USP24: variants seen among roughly 807,000 people sequenced by gnomAD.
USP24 encodes the protein ubiquitin specific peptidase 24.
USP24 carries 97 observed loss-of-function variants against 361.6 expected under a neutral mutation model. The ratio of observed to expected loss-of-function variants is 0.27; its 90% confidence interval spans 0.23 to 0.32. The LOEUF is 0.32. Ranked by LOEUF, USP24 falls within the 10% of genes least tolerant of loss-of-function variation. USP24 has a pLI of 1.00. For synonymous variants in USP24, 1,098 were observed against 1,124.6 expected, an observed-to-expected ratio of 0.98 and a Z score of 0.47; for missense variants, 2,353 against 3,165.6, an observed-to-expected ratio of 0.74 and a Z score of 6.16.
At chr1:55,200,191 T>C (rs1158390203) in intron 1 of USP24, among the ~76,000 whole-genome samples, 2 of 152,228 alleles carry the variant, frequency 1.3e-5, no homozygotes, top group East Asian at 3.8e-4. Flanking sequence ...CAAATCAAAT[T>C]ATACCCAGTT....
chr1:55,138,419 C>G (rs189526678), intron 26 of USP24, among the ~76,000 whole-genome samples, 189 bp downstream of exon 26: 44 of 152,230 alleles, frequency 2.9e-4, no homozygotes, highest in African/African-American at 1.1e-3. Context: ...ACTTAACCAC[C>G]GCTTGACATT....
At position 55,132,632 on chromosome 1, in the gene USP24, G is replaced by T. The variant is rs1646624625; in HGVS notation, c.3450C>A (p.His1150Gln). Residue 1150 changes from histidine to glutamine, a missense_variant, in exon 31 of 68, where the codon CAC becomes CAA. By Grantham distance (24) the His-to-Gln change is conservative (BLOSUM62 0). Transcript: ENST00000294383. The stretch of plus-strand genomic sequence containing the variant: ...CTAAAATTGAACTGGCACTTGGCTG[G>T]TGCTGTTGCTTTGATGACAGGGATG... ...KSPSLSSKQQ[H>Q]QPSASSILES... 1 of 1,613,656 alleles carries T rather than the reference G, an allele frequency of 6.2e-7. No homozygotes were observed.
chr1:55,138,492 A>G (rs1646799042), intron 26 of USP24, 116 bp downstream of exon 26: 1 of 677,638 alleles, frequency 1.5e-6, no homozygotes, highest in African/African-American at 1.8e-5. Context: ...TTTATTCTAC[A>G]TTTGTTTACC....
At chr1:55,148,386 CA>C in intron 17 of USP24, 76 bp downstream of exon 17, 1 of 1,075,914 alleles carries the variant, frequency 9.3e-7, no homozygotes, top group South Asian at 1.5e-5. Context: ...ACTATAAACT[CA>C]GCAATTTTAG....
chr1:55,157,177 A>G, intron 11 of USP24, 79 bp downstream of exon 11: 2 of 1,363,316 alleles, frequency 1.5e-6, no homozygotes, highest in Non-Finnish European at 2.0e-6. Context: ...TCAAAGCAAC[A>G]ATTTTGTATA....
In USP24 at chr1:55,215,017, C is replaced by A; in HGVS notation, c.97G>T (p.Asp33Tyr). The A allele has an allele frequency of 6.8e-7, 1 of 1,480,610 alleles. No individual in the cohort carries two copies. The highest frequency in any genetic ancestry group is 2.8e-5 in the East Asian group (1 of 35,400). The allele number at this position is 1,480,610 out of a possible 1,614,324, so 91.7% of individuals were successfully genotyped here. Residue 33 changes from aspartate to tyrosine, a missense_variant, in exon 1 of 68, where the codon GAC becomes TAC. By Grantham distance (160) the Asp-to-Tyr change is radical. Coordinates refer to ENST00000294383, the MANE Select transcript of USP24 (RefSeq NM_015306.3). ...AGCAGTGCCACGGCCTCGTTAATGTCGTTCTTGGCCAGGCGCAGGGCCTTG... is the reference window on the plus strand; with the variant it reads ...AGCAGTGCCACGGCCTCGTTAATGTAGTTCTTGGCCAGGCGCAGGGCCTTG... ...IRKALRLAKNDINEAVALLTN... is the reference protein window; with the variant it reads ...IRKALRLAKNYINEAVALLTN...
At chr1:55,081,550 G>T in intron 58 of USP24, 126 bp from the exon 59 acceptor site, 1 of 876,196 alleles carries the variant, frequency 1.1e-6, no homozygotes, top group East Asian at 2.5e-5. Context: ...TGACAGAAGA[G>T]GTCAAGGTAC....
intron 38 of USP24, among the ~76,000 whole-genome samples, chr1:55,116,505 A>G (rs1646120716): frequency 6.6e-6 from 1 of 152,142 alleles, no homozygotes; most frequent in African/African-American, 2.4e-5. Flanking sequence ...AATTTTACAG[A>G]AATGGAAAGG....
chr1:55,095,183 A>G, intron 51 of USP24, 72 bp downstream of exon 51: 2 of 1,445,710 alleles, frequency 1.4e-6, no homozygotes, highest in Non-Finnish European at 1.8e-6. Flanking sequence ...TAAAATCTCA[A>G]ATAGTATATT....
intron 7 of USP24, among the ~76,000 whole-genome samples, chr1:55,164,566 T>A (rs1648628973): frequency 6.6e-6 from 1 of 152,094 alleles, no homozygotes; most frequent in South Asian, 2.1e-4. Context: ...ACCTTTGGAA[T>A]CTCTCCAATG....
chr1:55,125,248 A>G (rs1646393642), intron 34 of USP24, 72 bp downstream of exon 34: 1 of 1,443,450 alleles, frequency 6.9e-7, no homozygotes. Flanking sequence ...TTATATCCCC[A>G]TAGCACCTCT....
chr1:55,087,367 G>A (rs1429312351), intron 55 of USP24, among the ~76,000 whole-genome samples: 1 of 152,178 alleles, frequency 6.6e-6, no homozygotes, highest in East Asian at 1.9e-4. Context: ...CTACCCAAAG[G>A]ACGTTACAGT....
chr1:55,213,705 A>C (rs576235322), intron 1 of USP24, among the ~76,000 whole-genome samples: 17 of 152,284 alleles, frequency 1.1e-4, no homozygotes, highest in African/African-American at 3.9e-4. Flanking sequence ...ATGTTTCTGC[A>C]AAGTAATTAT....
At chr1:55,126,387 G>A (rs1646430131) in intron 32 of USP24, among the ~76,000 whole-genome samples, 1 of 152,002 alleles carries the variant, frequency 6.6e-6, no homozygotes, top group African/African-American at 2.4e-5. Context: ...GAAAATCATA[G>A]CCCCCGAATC....
At chr1:55,175,215 GTCTCT>G (rs1448584703) in intron 3 of USP24, among the ~76,000 whole-genome samples, 3 of 133,412 alleles carry the variant, frequency 2.2e-5, no homozygotes, top group Admixed American at 9.0e-5. Context: ...GTTTTACTGG[GTCTCT>G]TTTTTTTTTT....
intron 1 of USP24, among the ~76,000 whole-genome samples, chr1:55,190,798 T>C (rs540595958): frequency 5.3e-5 from 8 of 152,302 alleles, no homozygotes; most frequent in Admixed American, 1.3e-4. Flanking sequence ...GGTGTCCAGG[T>C]ATATGTGCAG....
chr1:55,096,640 G>C lies in USP24; in HGVS notation c.5937-18C>G, dbSNP rs758444151. The C allele has an allele frequency of 6.3e-7, 1 of 1,598,594 alleles. No individual in the cohort carries two copies. The highest frequency in any genetic ancestry group is 1.8e-5 in the Admixed American group (1 of 55,730). ...CACACCCTCTAGAACCCAGAGATCA[G>C]ACAAACATTATAAGGTTAAAAAAAT... On this transcript the variant is annotated intron_variant, in intron 49 of 67. Coordinates refer to ENST00000294383, the MANE Select transcript of USP24 (RefSeq NM_015306.3).
chr1:55,137,764 T>C, intron 27 of USP24, 42 bp downstream of exon 27: 1 of 1,543,112 alleles, frequency 6.5e-7, no homozygotes, highest in Non-Finnish European at 8.8e-7. Context: ...ATATTTATAT[T>C]ATATCATTTA....
At chr1:55,145,097 T>C (rs1160716632) in intron 20 of USP24, among the ~76,000 whole-genome samples, 7 of 152,178 alleles carry the variant, frequency 4.6e-5, no homozygotes, top group Non-Finnish European at 1.0e-4. Flanking sequence ...GCGTGGCACT[T>C]TGCAAAACAG....
Sources: allele counts gnomAD v4.1 joint callset (sites outside exome capture counted in the v4.1 genomes callset), GRCh38; gene constraint gnomAD v4.1.1; transcripts MANE v1.5; gene names NCBI Gene and HGNC (gene_info 2026-07-23, HGNC 2026-07-21).